Variants in CRIM1 observed in about 807,000 individuals in gnomAD.
CRIM1 encodes cysteine rich transmembrane BMP regulator 1.
Under a neutral mutation model 116.4 loss-of-function variants are expected in CRIM1, and 32 were observed. The ratio of observed to expected loss-of-function variants is 0.27; its 90% CI spans 0.21 to 0.37. CRIM1 has a LOEUF of 0.37. Among genes scored for constraint, CRIM1 ranks in the 10% least tolerant of loss-of-function variants. The pLI, the probability that CRIM1 is intolerant of heterozygous loss-of-function variation, is 1.00. For missense variants in CRIM1, 1,331 were observed against 1,354.8 expected (o/e 0.98, Z 0.28); for synonymous variants, 590 against 509.2 (o/e 1.16, Z -2.13).
intron 13 of CRIM1, among the ~76,000 whole-genome samples, chr2:36,522,873 C>CT (rs564572349): frequency 2.4e-4 from 37 of 151,636 alleles, no homozygotes; most frequent in African/African-American, 8.5e-4. Flanking sequence ...TGTTACAGCA[C>CT]TGTCGTGTTC....
At position 36,537,201 on chromosome 2, in the gene CRIM1, T is replaced by C. The variant is rs1196109607; in HGVS notation, c.2429-151T>C. On this transcript the variant is annotated intron_variant, in intron 13 of 16. Transcript: ENST00000280527. Reference sequence around the variant, plus strand: ...AGCCCTGAGGGTCCTCCTAAGGAAATGAAAGACTAGGGAAACAAAAGTTTC... The same window carrying C: ...AGCCCTGAGGGTCCTCCTAAGGAAACGAAAGACTAGGGAAACAAAAGTTTC... The C allele has an allele frequency of 4.0e-6, 3 of 741,942 alleles. No individual in the cohort carries two copies. The East Asian group carries it at 8.1e-5, about 20-fold the overall frequency. The allele number at this position is 741,942 out of a possible 1,614,324, so 46.0% of individuals were successfully genotyped here. A position where few individuals can be genotyped will look rare whatever the true frequency, so the allele number is the denominator to read the frequency against.
intron 13 of CRIM1, among the ~76,000 whole-genome samples, chr2:36,536,494 C>T (rs1186362150): frequency 1.3e-5 from 2 of 152,158 alleles, no homozygotes; most frequent in Non-Finnish European, 2.9e-5. Context: ...CACCGGGTTT[C>T]GATTTGCCCA....
At chr2:36,478,377 A>G in intron 6 of CRIM1, among the ~76,000 whole-genome samples, 1 of 152,196 alleles carries the variant, frequency 6.6e-6, no homozygotes, top group East Asian at 1.9e-4. Context: ...TTGATGCTGT[A>G]AAAATGTAGA....
At chr2:36,357,624 C>T (rs763828088) in intron 1 of CRIM1, among the ~76,000 whole-genome samples, 70 of 152,198 alleles carry the variant, frequency 4.6e-4, no homozygotes, top group Non-Finnish European at 8.7e-4. Context: ...ATGTGGCTAA[C>T]GGGGGCACGG....
At chr2:36,478,126 T>C (rs1286470960) in intron 6 of CRIM1, among the ~76,000 whole-genome samples, 1 of 152,204 alleles carries the variant, frequency 6.6e-6, no homozygotes, top group Non-Finnish European at 1.5e-5. Context: ...TTGAGCAATA[T>C]TTACAACATA....
chr2:36,455,646 G>A (rs890291750), intron 4 of CRIM1, among the ~76,000 whole-genome samples: 1 of 152,208 alleles, frequency 6.6e-6, no homozygotes, highest in Non-Finnish European at 1.5e-5. Context: ...GGTCAACTTG[G>A]AGAATGCTGA....
rs1044431825 is a variant in CRIM1, at chr2:36,517,505, C to T, written c.2169C>T (p.Pro723=). The T allele has an allele frequency of 6.2e-7, 1 of 1,613,962 alleles. No homozygotes were observed. The highest frequency in any genetic ancestry group is 1.7e-5 in the Admixed American group (1 of 60,012). ...GCCCACCGCTGCTCTGCCAGAACCC[C>T]TCACGCACCCAGGATTCCTGCTGCC... ...EVCPPLLCQN[P]SRTQDSCCPQ... The change falls in exon 12 of 17, where the codon CCC becomes CCT. Residue 723 remains proline, a synonymous_variant. Transcript: ENST00000280527.
chr2:36,367,615 G>T (rs539140538), intron 1 of CRIM1, among the ~76,000 whole-genome samples: 2 of 152,308 alleles, frequency 1.3e-5, no homozygotes, highest in South Asian at 2.1e-4. Flanking sequence ...GTGATAGACA[G>T]GAGTCGAATA....
chr2:36,377,935 C>G (rs970141751), intron 1 of CRIM1, among the ~76,000 whole-genome samples: 3 of 152,188 alleles, frequency 2.0e-5, no homozygotes, highest in African/African-American at 7.2e-5. Flanking sequence ...ACCTAACAAA[C>G]TCAGTCTGTC....
chr2:36,501,150 A>T (rs373471498), intron 8 of CRIM1, among the ~76,000 whole-genome samples: 196 of 152,218 alleles, frequency 1.3e-3, no homozygotes, highest in African/African-American at 4.2e-3. Context: ...GATCTCTCTC[A>T]CACACAGTAC....
At chr2:36,423,867 A>G (rs1674255890) in intron 2 of CRIM1, among the ~76,000 whole-genome samples, 1 of 152,240 alleles carries the variant, frequency 6.6e-6, no homozygotes. Flanking sequence ...TAAGTGAGGT[A>G]GAGACTTTTA....
chr2:36,463,850 C>A (rs1035405260), intron 4 of CRIM1, among the ~76,000 whole-genome samples: 26 of 152,090 alleles, frequency 1.7e-4, no homozygotes, highest in Non-Finnish European at 3.1e-4. Flanking sequence ...AGCTTAAGAT[C>A]CAAAAAATTA....
intron 1 of CRIM1, among the ~76,000 whole-genome samples, chr2:36,371,603 C>A (rs773290021): frequency 6.6e-6 from 1 of 152,186 alleles, no homozygotes; most frequent in Non-Finnish European, 1.5e-5. Context: ...TTTGCTCATG[C>A]CGATCAGTCT....
At chr2:36,504,869 A>G (rs1382134847) in intron 8 of CRIM1, among the ~76,000 whole-genome samples, 1 of 152,206 alleles carries the variant, frequency 6.6e-6, no homozygotes, top group Non-Finnish European at 1.5e-5. Context: ...ACATCTTTAA[A>G]TCAAGTGGAT....
chr2:36,374,032 C>T (rs1263394337), intron 1 of CRIM1, among the ~76,000 whole-genome samples: 1 of 152,180 alleles, frequency 6.6e-6, no homozygotes, highest in Non-Finnish European at 1.5e-5. Flanking sequence ...CCTGTGTCTC[C>T]TCTTCGGCAG....
intron 4 of CRIM1, among the ~76,000 whole-genome samples, chr2:36,462,180 C>T (rs573945906): frequency 1.3e-5 from 2 of 152,114 alleles, no homozygotes; most frequent in Non-Finnish European, 1.5e-5. Flanking sequence ...CTTCTGTAGC[C>T]TGCTGGAGAC....
chr2:36,444,932 C>G (rs992701067), intron 4 of CRIM1, among the ~76,000 whole-genome samples: 2 of 152,192 alleles, frequency 1.3e-5, no homozygotes, highest in Non-Finnish European at 2.9e-5. Context: ...GTGTCCCTCT[C>G]TGCTCCCTTG....
chr2:36,507,515 G>T (rs1479258373), intron 8 of CRIM1, among the ~76,000 whole-genome samples: 2 of 152,178 alleles, frequency 1.3e-5, no homozygotes, highest in African/African-American at 2.4e-5. Context: ...AGATACTAGG[G>T]CCTGGGCCTA....
At chr2:36,418,422 G>A (rs1673787420) in intron 2 of CRIM1, among the ~76,000 whole-genome samples, 3 of 152,144 alleles carry the variant, frequency 2.0e-5, no homozygotes, top group South Asian at 2.1e-4. Flanking sequence ...AAGTAGCTGG[G>A]AATATATGTG....
Sources: allele counts gnomAD v4.1 joint callset (sites outside exome capture counted in the v4.1 genomes callset), GRCh38; gene constraint gnomAD v4.1.1; transcripts MANE v1.5; gene names NCBI Gene and HGNC (gene_info 2026-07-23, HGNC 2026-07-21).